CEP85L: variants seen among roughly 807,000 people sequenced by gnomAD.
CEP85L encodes the protein centrosomal protein 85L.
CEP85L carries 60 observed loss-of-function variants against 100.3 expected under a neutral mutation model. The ratio of observed to expected loss-of-function variants is 0.60; its 90% CI spans 0.49 to 0.74. CEP85L has a LOEUF of 0.74. CEP85L is among the 30% of genes least tolerant of loss of function. CEP85L has a pLI of 0.00. For synonymous variants in CEP85L, 319 were observed against 322.7 expected (o/e 0.99, Z 0.12); for missense variants, 973 against 936.2 (o/e 1.04, Z -0.51).
At chr6:118,590,026 ATTTT>A (rs549983119) in intron 2 of CEP85L, among the ~76,000 whole-genome samples, 4 of 151,468 alleles carry the variant, frequency 2.6e-5, no homozygotes, top group Admixed American at 2.6e-4. Context: ...GGTGTTTCAG[ATTTT>A]TTTTCTCTGC....
intron 2 of CEP85L, among the ~76,000 whole-genome samples, chr6:118,606,884 AT>A (rs373035145): frequency 0.028 from 4,184 of 148,944 alleles, 189 homozygotes; most frequent in African/African-American, 0.095. Context: ...ATAAACACTG[AT>A]TTTTTTTTTT....
intron 3 of CEP85L, among the ~76,000 whole-genome samples, chr6:118,538,818 G>C (rs1459944616): frequency 1.3e-5 from 2 of 152,084 alleles, no homozygotes; most frequent in East Asian, 3.9e-4. Flanking sequence ...CAAGCATTTT[G>C]TTGCTATAAT....
chr6:118,697,213 CT>C (rs1777243174), intron 1 of CEP85L, among the ~76,000 whole-genome samples: 1 of 152,178 alleles, frequency 6.6e-6, no homozygotes, highest in South Asian at 2.1e-4. Context: ...GCTTGGACAC[CT>C]GTACAAATCT....
At chr6:118,687,631 C>G (rs905829572) in intron 1 of CEP85L, among the ~76,000 whole-genome samples, 10 of 152,322 alleles carry the variant, frequency 6.6e-5, no homozygotes, top group African/African-American at 2.2e-4. Context: ...TTCGAGCCGG[C>G]AACAGCAACC....
In CEP85L at chr6:118,469,466, C is replaced by A. The variant is rs562827924; in HGVS notation, c.2023-163G>T. Among the ~76,000 whole-genome samples the A allele has an allele frequency of 4.6e-5, 7 of 152,210 alleles. No individual in the cohort carries two copies. The South Asian group carries it at 1.5e-3, about 32-fold the overall frequency. ...TACATATATGCAGTGGGAAAAAAAACACATAGAAAAATAACAATTTAAATA... is the reference window on the plus strand; with the variant it reads ...TACATATATGCAGTGGGAAAAAAAAAACATAGAAAAATAACAATTTAAATA... On this transcript the variant is annotated intron_variant, in intron 11 of 12. Coordinates refer to ENST00000368491, the MANE Select transcript of CEP85L (RefSeq NM_001042475.3).
At chr6:118,471,795 G>A (rs1582853746) in intron 10 of CEP85L, among the ~76,000 whole-genome samples, 1 of 148,862 alleles carries the variant, frequency 6.7e-6, no homozygotes, top group East Asian at 1.9e-4. Context: ...AAGTCAACAA[G>A]GGGCTCTCTG....
intron 2 of CEP85L, 81 bp from the exon 3 acceptor site, chr6:118,566,397 A>G: frequency 8.6e-7 from 1 of 1,159,998 alleles, no homozygotes; most frequent in South Asian, 1.6e-5. Flanking sequence ...GCCAAAAGAA[A>G]TATCTGAACA....
chr6:118,502,359 T>C, intron 5 of CEP85L: 2 of 530,092 alleles, frequency 3.8e-6, no homozygotes, highest in South Asian at 3.7e-5. Context: ...ATGCCAAGAT[T>C]ACCCATATGT....
rs149319946 is a variant in CEP85L, at chr6:118,548,984, T to C, written c.1020+16545A>G. Among the ~76,000 whole-genome samples the C allele has an allele frequency of 3.0e-4, 46 of 152,130 alleles. No individual in the cohort carries two copies. The East Asian group carries it at 7.9e-3, about 26-fold the overall frequency. ...AGGATGTTTCCCCTCTAAAGTCCAG[T>C]CAACTTTTAACAAACATTTCTAAAA... On this transcript the variant is annotated intron_variant, in intron 3 of 12. Transcript: ENST00000368491.
chr6:118,496,944 A>G (rs777111661), intron 5 of CEP85L, among the ~76,000 whole-genome samples: 3 of 152,220 alleles, frequency 2.0e-5, no homozygotes, highest in Non-Finnish European at 2.9e-5. Context: ...GATTTCTGAC[A>G]TGTTTCAAAC....
intron 10 of CEP85L, among the ~76,000 whole-genome samples, chr6:118,476,074 A>G (rs1187826323): frequency 6.6e-6 from 1 of 152,196 alleles, no homozygotes; most frequent in Non-Finnish European, 1.5e-5. Context: ...TCGCAGCGCT[A>G]ACAGGCCCAA....
At chr6:118,518,943 T>G (rs1256128413) in intron 4 of CEP85L, among the ~76,000 whole-genome samples, 1 of 152,230 alleles carries the variant, frequency 6.6e-6, no homozygotes. Context: ...TTTGTTCTCA[T>G]TGGTTTCAAA....
chr6:118,480,651 T>A (rs1041564828), intron 8 of CEP85L, 138 bp from the exon 9 acceptor site: 2 of 571,898 alleles, frequency 3.5e-6, no homozygotes, highest in Non-Finnish European at 3.1e-6. Context: ...AGACAGTATA[T>A]GAAAAACTGT....
intron 2 of CEP85L, among the ~76,000 whole-genome samples, chr6:118,581,882 C>T (rs1031017226): frequency 1.3e-5 from 2 of 152,084 alleles, no homozygotes; most frequent in African/African-American, 4.8e-5. Flanking sequence ...ATAAACCTGG[C>T]CCGCTGCGGG....
At chr6:118,633,249 G>T (rs1774286824) in intron 1 of CEP85L, among the ~76,000 whole-genome samples, 1 of 147,792 alleles carries the variant, frequency 6.8e-6, no homozygotes, top group Non-Finnish European at 1.5e-5. Flanking sequence ...CACCCAGGCT[G>T]GGTGGAGTGC....
Position 118,597,850 on chromosome 6 carries a change from C to T in CEP85L, c.233-31534G>A, listed in dbSNP as rs115228903. On this transcript the variant is annotated intron_variant, in intron 2 of 12. Transcript: ENST00000368491. ...TACCGTGTGGGGCCTAGTCTGAGAA[C>T]AGGAGAGAGTTATTTTTTAAGCTCT... Among the ~76,000 whole-genome samples the T allele has an allele frequency of 9.9e-3, 1,507 of 152,248 alleles. 36 individuals carry two copies. The highest frequency in any genetic ancestry group is 0.034 in the African/African-American group (1,395 of 41,534).
At position 118,517,147 on chromosome 6, in the gene CEP85L, G is replaced by A. The variant is rs181536455; in HGVS notation, c.1140-5732C>T. On this transcript the variant is annotated intron_variant, in intron 4 of 12. Coordinates refer to ENST00000368491, the MANE Select transcript of CEP85L (RefSeq NM_001042475.3). ...ACCATTCTGTTTTGGTTACTGCAGCGTTTTAGTATAGTTTGAAGTCAAGTA... is the reference window on the plus strand; with the variant it reads ...ACCATTCTGTTTTGGTTACTGCAGCATTTTAGTATAGTTTGAAGTCAAGTA... Among the ~76,000 whole-genome samples the A allele has an allele frequency of 3.0e-4, 46 of 152,206 alleles. No homozygotes were observed. The East Asian group carries it at 7.5e-3, about 25-fold the overall frequency.
chr6:118,698,614 G>T (rs1777292002), intron 1 of CEP85L, among the ~76,000 whole-genome samples: 1 of 151,906 alleles, frequency 6.6e-6, no homozygotes, highest in Non-Finnish European at 1.5e-5. Context: ...CTGTGATAAG[G>T]ATACTACATT....
rs189864327 is a variant in CEP85L, at chr6:118,632,937, T to C, written c.74-326A>G. On this transcript the variant is annotated intron_variant, in intron 1 of 12. Coordinates refer to ENST00000368491, the MANE Select transcript of CEP85L (RefSeq NM_001042475.3). Reference sequence around the variant, plus strand: ...ATGTCAGTACTCTGCTCTAGAATAATTGATAGGTGGCATCTGTGATTATAC... The same window carrying C: ...ATGTCAGTACTCTGCTCTAGAATAACTGATAGGTGGCATCTGTGATTATAC... Among the ~76,000 whole-genome samples, 295 of 152,330 alleles carry C rather than the reference T, an allele frequency of 1.9e-3. 1 individual carries two copies. Among genetic ancestry groups the C allele is most frequent in the Non-Finnish European group, 3.0e-3 (204 of 68,024 alleles).
Sources: gnomAD v4.1 joint callset for allele counts (sites outside exome capture counted in the v4.1 genomes callset) on GRCh38, gnomAD v4.1.1 for gene constraint, MANE v1.5 for transcripts, NCBI Gene and HGNC (gene_info 2026-07-23, HGNC 2026-07-21) for gene names.